RYR1: variants seen among roughly 807,000 people sequenced by gnomAD.
The protein encoded by RYR1 is central core disease of muscle.
A neutral mutation model predicts 583.5 loss-of-function variants in RYR1; 342 were observed. The observed-to-expected ratio is 0.59, with a 90% CI of 0.54 to 0.64. RYR1 has a LOEUF of 0.64. Among genes scored for constraint, RYR1 ranks in the 30% least tolerant of loss-of-function variants. The probability of loss-of-function intolerance (pLI) is 0.00; values close to 1 mark genes in which losing one functional copy is unlikely to be tolerated. For synonymous variants in RYR1, 2,791 were observed against 2,822.5 expected (o/e 0.99, Z 0.35); for missense variants, 6,032 against 6,917.2 (o/e 0.87, Z 4.54).
At chr19:38,449,071 GGAGA>G (rs143389189) in intron 11 of RYR1, among the ~76,000 whole-genome samples, 3 of 150,938 alleles carry the variant, frequency 2.0e-5, no homozygotes, top group African/African-American at 4.9e-5. Context: ...ATATCTACAT[GGAGA>G]GAGAGAGAGA....
intron 75 of RYR1, 22 bp downstream of exon 75, chr19:38,528,717 G>A (rs1335957556): frequency 1.2e-6 from 2 of 1,612,266 alleles, no homozygotes; most frequent in African/African-American, 2.7e-5. Context: ...CCCGCCTGGG[G>A]GAGTGGGGGG....
In RYR1 at chr19:38,436,933, G is replaced by A. The variant is rs186849213; in HGVS notation, c.45+3059G>A. ...CCCAAGTTAGAAGCTCCTGGGGTCT[G>A]GTAAACAGTACGTATTCCCTGCTGA... On this transcript the variant is annotated intron_variant, in intron 1 of 105. Transcript: ENST00000359596. 1.5e-4 allele frequency among the ~76,000 whole-genome samples: 23 copies of A among 152,136 alleles called. No individual in the cohort carries two copies. In the East Asian group the frequency reaches 3.9e-3, roughly 26 times the overall value.
At chr19:38,515,130 TG>T in intron 64 of RYR1, 23 bp downstream of exon 64, 2 of 1,189,518 alleles carry the variant, frequency 1.7e-6, no homozygotes, top group Non-Finnish European at 2.4e-6. Flanking sequence ...AGCCATCGTT[TG>T]GGGCTGGGTG....
At chr19:38,464,928 AGAGG>A (rs1224465448) in intron 23 of RYR1, among the ~76,000 whole-genome samples, 1 of 151,754 alleles carries the variant, frequency 6.6e-6, no homozygotes, top group Non-Finnish European at 1.5e-5. Flanking sequence ...AGAGAGAGAG[AGAGG>A]GAGGGTATGA....
intron 101 of RYR1, 135 bp downstream of exon 101, chr19:38,580,639 T>A: frequency 9.0e-7 from 1 of 1,113,784 alleles, no homozygotes; most frequent in Non-Finnish European, 1.3e-6. Flanking sequence ...GCGGGACGAT[T>A]ACTTGAGTCC....
chr19:38,489,005 A>AAGG, intron 34 of RYR1, among the ~76,000 whole-genome samples, 172 bp from the exon 35 acceptor site: 1 of 152,122 alleles, frequency 6.6e-6, no homozygotes, highest in African/African-American at 2.4e-5. Flanking sequence ...GGTGGATCTT[A>AAGG]AGGAGGGTGG....
intron 89 of RYR1, among the ~76,000 whole-genome samples, chr19:38,555,517 C>T (rs759173051): frequency 2.7e-5 from 4 of 150,632 alleles, no homozygotes; most frequent in Non-Finnish European, 5.9e-5. Context: ...CCTTAAAAGA[C>T]GTTCCTTTTA....
At chr19:38,436,285 G>A (rs536653268) in intron 1 of RYR1, among the ~76,000 whole-genome samples, 14 of 151,256 alleles carry the variant, frequency 9.3e-5, no homozygotes, top group African/African-American at 2.2e-4. Context: ...TTGGTTCAAC[G>A]CAACCTCCAC....
rs577631231 is a variant in RYR1 at position 38,434,011 on chromosome 19, C to T, written c.45+137C>T. The T allele has an allele frequency of 2.5e-5, 20 of 802,984 alleles. 1 individual carries two copies. The South Asian group carries it at 2.7e-4, about 11-fold the overall frequency. The allele number at this position is 802,984 out of a possible 1,614,324, so 49.7% of individuals were successfully genotyped here. A position where few individuals can be genotyped will look rare whatever the true frequency, so the allele number is the denominator to read the frequency against. On this transcript the variant is annotated intron_variant, in intron 1 of 105. Coordinates refer to ENST00000359596, the MANE Select transcript of RYR1 (RefSeq NM_000540.3). ...TCTCTTCCTATGTCACTTTGAGTGA[C>T]TGTCACTCTGTCTTTTAGTCTCCTT...
rs1970007265 is a variant in RYR1 at position 38,499,637 on chromosome 19, G to A, written c.7030G>A (p.Glu2344Lys). ...FLRFAVFVNG[E>K]SVEENANVVV... is the part of the protein sequence containing the mutation. ...CCTTTCCCCATGCGGGTGGCCAGGCGAGAGCGTGGAGGAGAACGCCAATGT... is the reference window on the plus strand; with the variant it reads ...CCTTTCCCCATGCGGGTGGCCAGGCAAGAGCGTGGAGGAGAACGCCAATGT... Residue 2344 changes from glutamate to lysine, a missense_variant and splice_region_variant, in exon 44 of 106, where the codon GAG becomes AAG. Physicochemically the swap from Glu to Lys is moderately conservative, Grantham distance 56. This residue lies in a region of RYR1 where 2,627 missense variants were observed against 2,961.3 expected (regional missense o/e 0.89). Transcript: ENST00000359596. The surrounding 1 kb of genome is among the most constrained non-coding windows in gnomAD (Gnocchi z 7.3). The A allele has an allele frequency of 2.5e-6, 4 of 1,597,760 alleles. No homozygotes were observed. Among genetic ancestry groups the A allele is most frequent in the Non-Finnish European group, 2.5e-6 (3 of 1,179,876 alleles).
intron 94 of RYR1, among the ~76,000 whole-genome samples, 174 bp downstream of exon 94, chr19:38,570,867 G>T (rs911488121): frequency 2.0e-5 from 3 of 152,210 alleles, no homozygotes; most frequent in Non-Finnish European, 2.9e-5. Context: ...CTCCATGGGG[G>T]TGAGTAGGGG....
intron 54 of RYR1, among the ~76,000 whole-genome samples, 158 bp from the exon 55 acceptor site, chr19:38,506,145 G>A (rs956901095): frequency 1.1e-4 from 17 of 151,696 alleles, no homozygotes; most frequent in Admixed American, 3.9e-4. Context: ...AGAGAAGGAT[G>A]GGGTGGTTTA....
chr19:38,563,413 T>C (rs947582114), intron 90 of RYR1, among the ~76,000 whole-genome samples: 2 of 152,362 alleles, frequency 1.3e-5, no homozygotes, highest in African/African-American at 4.8e-5. Context: ...TACAGCCATG[T>C]GCAACCATGC....
In RYR1 at chr19:38,543,707, C is replaced by G. The variant is rs769970440; in HGVS notation, c.11907+47C>G. 6.2e-6 allele frequency: 10 copies of G among 1,611,652 alleles called. No homozygotes were observed. The East Asian group carries it at 2.2e-4, about 36-fold the overall frequency. On this transcript the variant is annotated intron_variant, in intron 86 of 105. Coordinates refer to ENST00000359596, the MANE Select transcript of RYR1 (RefSeq NM_000540.3). The surrounding 1 kb of genome is among the most constrained non-coding windows in gnomAD (Gnocchi z 4.4). ...GGGAGTGGGAAGGGAGGGGGTCCCG[C>G]ATCGTGATCCCTGATCCCTTCTCGG... is the stretch of plus-strand genomic sequence containing the variant.
chr19:38,584,451 ACCTG>A (rs1974365507), intron 101 of RYR1, among the ~76,000 whole-genome samples: 1 of 21,642 alleles, frequency 4.6e-5, no homozygotes, highest in African/African-American at 2.0e-4. Flanking sequence ...CCCCCACCCA[ACCTG>A]GCCCTGACCC....
chr19:38,520,693 C>CAAGAAAAAAAAAAAAA (rs1971188360), intron 67 of RYR1, among the ~76,000 whole-genome samples: 1 of 46,886 alleles, frequency 2.1e-5, no homozygotes, highest in African/African-American at 5.5e-5. Flanking sequence ...GGCTCCACCT[C>CAAGAAAAAAAAAAAAA]AAAAAAAAAA....
At chr19:38,530,264 T>C (rs933338487) in intron 76 of RYR1, among the ~76,000 whole-genome samples, 9 of 152,068 alleles carry the variant, frequency 5.9e-5, no homozygotes, top group African/African-American at 1.9e-4. Flanking sequence ...TACTTTTTTA[T>C]TTTTTGAGAA....
At position 38,565,903 on chromosome 19, in the gene RYR1, A is replaced by T; in HGVS notation, c.13437+132A>T. Reference sequence around the variant, plus strand: ...GGATGGGCACACGCACCCACGGAGGACGCACCCATGGAGGACGCACACGGG... The same window carrying T: ...GGATGGGCACACGCACCCACGGAGGTCGCACCCATGGAGGACGCACACGGG... On this transcript the variant is annotated intron_variant, in intron 91 of 105. Transcript: ENST00000359596. The surrounding 1 kb of genome is among the most constrained non-coding windows in gnomAD (Gnocchi z 4.7). 1.8e-6 allele frequency: 2 copies of T among 1,084,362 alleles called. No homozygotes were observed. Among genetic ancestry groups the T allele is most frequent in the Non-Finnish European group, 1.2e-6 (1 of 833,514 alleles). The allele number at this position is 1,084,362 out of a possible 1,614,324, so 67.2% of individuals were successfully genotyped here.
rs1974396506 is a variant in RYR1, at chr19:38,584,846, G to T, written c.14647-97G>T. On this transcript the variant is annotated intron_variant, in intron 101 of 105. Coordinates refer to ENST00000359596, the MANE Select transcript of RYR1 (RefSeq NM_000540.3). ...GAGGGCAGGGCCCAGGGCTGTCTCA[G>T]TCGTTACCATGTCTTCAGCCCTGCC... 16 of 1,468,486 alleles carry T rather than the reference G, an allele frequency of 1.1e-5. No homozygotes were observed. In the South Asian group the frequency reaches 1.9e-4, roughly 17 times the overall value. 91.0% of individuals were successfully genotyped at this position (1,468,486 alleles called of 1,614,324 possible). A position where few individuals can be genotyped will look rare whatever the true frequency, so the allele number is the denominator to read the frequency against.
Sources: gnomAD v4.1 joint callset for allele counts (sites outside exome capture counted in the v4.1 genomes callset) on GRCh38, gnomAD v4.1.1 for gene constraint, gnomAD v4.1.1 regional missense constraint, Gnocchi (gnomAD v3.1) non-coding constraint, MANE v1.5 for transcripts, NCBI Gene and HGNC (gene_info 2026-07-23, HGNC 2026-07-21) for gene names.